The following MBOAT2 variants were observed in gnomAD, a reference collection of about 807,000 sequenced individuals.
MBOAT2 encodes the protein membrane bound glycerophospholipid O-acyltransferase 2.
In MBOAT2, 28 loss-of-function variants were observed where a neutral mutation model predicts 63.4. The ratio of observed to expected loss-of-function variants is 0.44; its 90% confidence interval spans 0.33 to 0.61. The LOEUF is 0.61. MBOAT2 is among the 20% of genes least tolerant of loss of function. The pLI, the probability that MBOAT2 is intolerant of heterozygous loss-of-function variation, is 0.03. For synonymous variants in MBOAT2, 211 were observed against 215.6 expected (o/e 0.98, Z 0.19); for missense variants, 470 against 605.8 (o/e 0.78, Z 2.35).
chr2:8,869,757 A>G (rs1482327339), intron 8 of MBOAT2, among the ~76,000 whole-genome samples: 2 of 152,222 alleles, frequency 1.3e-5, no homozygotes, highest in Non-Finnish European at 2.9e-5. Flanking sequence ...ACAGAATTAA[A>G]AATCTATTAA....
chr2:8,932,222 C>A (rs868097516), intron 3 of MBOAT2, among the ~76,000 whole-genome samples: 16 of 152,166 alleles, frequency 1.1e-4, no homozygotes, highest in Non-Finnish European at 2.4e-4. Context: ...TATTAAAATA[C>A]TATTTTAAAG....
intron 4 of MBOAT2, among the ~76,000 whole-genome samples, chr2:8,889,300 T>A (rs550379003): frequency 2.0e-5 from 3 of 152,342 alleles, no homozygotes; most frequent in South Asian, 2.1e-4. Context: ...AGGGTTTGCT[T>A]TAAACATTCC....
At position 8,916,968 on chromosome 2, in the gene MBOAT2, A is replaced by G. The variant is rs1666227301; in HGVS notation, c.300-8252T>C. ...GGCCTAAGGTCAGACACATAGATCA[A>G]TGAACAGAATAAAGAGTACAGAAAT... On this transcript the variant is annotated intron_variant, in intron 3 of 12. Transcript: ENST00000305997. 1.3e-5 allele frequency among the ~76,000 whole-genome samples: 2 copies of G among 152,226 alleles called. 1 individual carries two copies. Among genetic ancestry groups the G allele is most frequent in the South Asian group, 4.1e-4 (2 of 4,834 alleles).
At chr2:8,944,316 GCA>G (rs914999260) in intron 2 of MBOAT2, among the ~76,000 whole-genome samples, 3 of 152,126 alleles carry the variant, frequency 2.0e-5, no homozygotes, top group African/African-American at 7.2e-5. Flanking sequence ...GTCCGTGCAT[GCA>G]CACACACTCT....
intron 3 of MBOAT2, among the ~76,000 whole-genome samples, chr2:8,941,645 G>A (rs1024535786): frequency 2.7e-5 from 4 of 149,696 alleles, no homozygotes; most frequent in South Asian, 4.2e-4. Context: ...GTGAGACTCC[G>A]TCTCAAAGGA....
chr2:8,970,285 A>T (rs991261554), intron 1 of MBOAT2, among the ~76,000 whole-genome samples: 1 of 152,246 alleles, frequency 6.6e-6, no homozygotes, highest in African/African-American at 2.4e-5. Flanking sequence ...GTACATAACG[A>T]AATGAAGGCA....
At chr2:8,897,168 T>C (rs1017627496) in intron 4 of MBOAT2, among the ~76,000 whole-genome samples, 3 of 150,744 alleles carry the variant, frequency 2.0e-5, no homozygotes, top group African/African-American at 7.5e-5. Flanking sequence ...TCTTTGACTT[T>C]CTGTGTCTCT....
At chr2:8,906,550 G>A (rs1665348595) in intron 4 of MBOAT2, among the ~76,000 whole-genome samples, 1 of 152,200 alleles carries the variant, frequency 6.6e-6, no homozygotes, top group Non-Finnish European at 1.5e-5. Flanking sequence ...GAACTGTAAT[G>A]TGAATGAGAA....
At chr2:8,975,745 C>T (rs1289177917) in intron 1 of MBOAT2, among the ~76,000 whole-genome samples, 2 of 148,932 alleles carry the variant, frequency 1.3e-5, no homozygotes, top group African/African-American at 2.5e-5. Context: ...TGGTTGTCCC[C>T]GCACTCACAA....
At chr2:8,936,276 A>G (rs907621641) in intron 3 of MBOAT2, among the ~76,000 whole-genome samples, 1 of 152,202 alleles carries the variant, frequency 6.6e-6, no homozygotes, top group African/African-American at 2.4e-5. Context: ...TGTTCATTTC[A>G]GAGGGTAAGG....
intron 8 of MBOAT2, among the ~76,000 whole-genome samples, chr2:8,868,829 C>T (rs375699285): frequency 6.1e-4 from 93 of 152,208 alleles, no homozygotes; most frequent in African/African-American, 2.0e-3. Flanking sequence ...GAACAGGAAA[C>T]GCTCCCCAAC....
chr2:8,873,169 A>G lies in MBOAT2; in HGVS notation c.822T>C (p.Ile274=). The G allele has an allele frequency of 6.2e-7, 1 of 1,614,216 alleles. No individual in the cohort carries two copies. The highest frequency in any genetic ancestry group is 1.7e-5 in the Admixed American group (1 of 60,030). Residue 274 remains isoleucine, a synonymous_variant, in exon 8 of 13, where the codon ATT becomes ATC. Transcript: ENST00000305997. ...CCAAAAGAGAGATATACAGATAGAT[A>G]ATCTTTGTTGGCCACGAAGCTGTAG... ...FQATASWPTK[I]IYLYISLLAA... is the part of the protein sequence containing the mutation.
chr2:8,957,899 A>G (rs1282540040), intron 2 of MBOAT2, among the ~76,000 whole-genome samples: 1 of 152,192 alleles, frequency 6.6e-6, no homozygotes, highest in African/African-American at 2.4e-5. Context: ...CAGGAAGTAC[A>G]GTATTTCTGT....
intron 3 of MBOAT2, among the ~76,000 whole-genome samples, chr2:8,922,117 A>G (rs1396148766): frequency 6.6e-6 from 1 of 152,132 alleles, no homozygotes. Flanking sequence ...ATATACCCTT[A>G]AGTTCACTGA....
intron 4 of MBOAT2, among the ~76,000 whole-genome samples, chr2:8,896,131 C>G (rs1664448594): frequency 6.7e-6 from 1 of 149,970 alleles, no homozygotes; most frequent in Admixed American, 6.8e-5. Flanking sequence ...CCCAGCTACT[C>G]AGGAGGCTGA....
In MBOAT2 at chr2:8,987,651, A is replaced by C. The variant is rs138291736; in HGVS notation, c.75+15889T>G. On this transcript the variant is annotated intron_variant, in intron 1 of 12. Transcript: ENST00000305997. The stretch of plus-strand genomic sequence containing the variant: ...GAATTATCTAAAGGCTTGCTCACTC[A>C]CATGTCAGACAGTGGATGCTGGCTG... Among the ~76,000 whole-genome samples, 121 of 152,266 alleles carry C rather than the reference A, an allele frequency of 7.9e-4. 1 individual carries two copies. The highest frequency in any genetic ancestry group is 2.8e-3 in the African/African-American group (115 of 41,548).
intron 2 of MBOAT2, among the ~76,000 whole-genome samples, chr2:8,949,303 G>A (rs1294466511): frequency 1.3e-5 from 2 of 152,232 alleles, no homozygotes; most frequent in East Asian, 3.9e-4. Flanking sequence ...ACTCTTGACA[G>A]TTTCTTTTGC....
chr2:8,963,947 C>A (rs1669806872), intron 1 of MBOAT2, among the ~76,000 whole-genome samples: 1 of 152,228 alleles, frequency 6.6e-6, no homozygotes, highest in Non-Finnish European at 1.5e-5. Context: ...GTAATAATCA[C>A]AGCCACCTTG....
intron 4 of MBOAT2, among the ~76,000 whole-genome samples, chr2:8,902,341 C>T (rs1416719471): frequency 1.3e-5 from 2 of 152,204 alleles, no homozygotes; most frequent in Non-Finnish European, 2.9e-5. Context: ...CCTTTGTGGT[C>T]ACCAAAATGT....
Sources: gnomAD v4.1 joint callset for allele counts (sites outside exome capture counted in the v4.1 genomes callset) on GRCh38, gnomAD v4.1.1 for gene constraint, MANE v1.5 for transcripts, NCBI Gene and HGNC (gene_info 2026-07-23, HGNC 2026-07-21) for gene names.